Variants in TRIM2 observed in about 807,000 individuals in gnomAD.
TRIM2 encodes tripartite motif-containing protein 2.
TRIM2 carries 20 observed loss-of-function variants against 75.2 expected under a neutral mutation model. That is an observed-to-expected ratio of 0.27 (90% CI 0.19 to 0.39). The LOEUF is 0.39. Among genes scored for constraint, TRIM2 ranks in the 10% least tolerant of loss-of-function variants. The pLI is 1.00. For missense variants in TRIM2, 660 were observed against 990.8 expected, an observed-to-expected ratio of 0.67 and a Z score of 4.48; for synonymous variants, 373 against 388.3, an observed-to-expected ratio of 0.96 and a Z score of 0.46.
At chr4:153,323,961 T>G in intron 9 of TRIM2, 117 bp from the exon 10 acceptor site, 1 of 785,112 alleles carries the variant, frequency 1.3e-6, no homozygotes, top group Non-Finnish European at 2.0e-6. Flanking sequence ...GAGTCTATGA[T>G]TCTTTGTACT....
intron 1 of TRIM2, among the ~76,000 whole-genome samples, chr4:153,176,635 G>A (rs903637545): frequency 7.6e-6 from 1 of 131,984 alleles, no homozygotes; most frequent in Non-Finnish European, 1.6e-5. Flanking sequence ...TTTTGTGACA[G>A]AGTCTCACTC....
At chr4:153,239,481 G>C (rs1274539606) in intron 1 of TRIM2, among the ~76,000 whole-genome samples, 1 of 151,746 alleles carries the variant, frequency 6.6e-6, no homozygotes, top group Non-Finnish European at 1.5e-5. Context: ...TTCTAACTAA[G>C]AGAGAAAGTT....
Position 153,336,358 on chromosome 4 carries a change from A to G in TRIM2, c.*1392A>G. On this transcript the variant is annotated 3_prime_UTR_variant, in exon 12 of 12. Transcript: ENST00000338700. ...GCCTTCTGTGCTTTCAAAAAAAAAA[A>G]CAAAAAAAAAACCACACACACACAT... 1 of 919,960 alleles carries G rather than the reference A, an allele frequency of 1.1e-6. No homozygotes were observed. The highest frequency in any genetic ancestry group is 5.0e-5 in the South Asian group (1 of 19,848). The allele number at this position is 919,960 out of a possible 1,614,324, so 57.0% of individuals were successfully genotyped here.
At position 153,315,585 on chromosome 4, in the gene TRIM2, G is replaced by A. The variant is rs140995446; in HGVS notation, c.1611G>A (p.Val537=). 8.1e-6 allele frequency: 13 copies of A among 1,606,764 alleles called. No individual in the cohort carries two copies. The highest frequency in any genetic ancestry group is 2.7e-5 in the African/African-American group (2 of 74,502). ...TTGCAGACAGTAACAACCAATGTGT[G>A]CAGGTATAGCCCCTAATTATATACC... is the stretch of plus-strand genomic sequence containing the variant. The part of the protein sequence containing the change: ...ILIADSNNQC[V]QIFSNDGQFK... The change falls in exon 7 of 12, where the codon GTG becomes GTA. Residue 537 remains valine, a synonymous_variant. Transcript: ENST00000338700.
chr4:153,236,249 A>C (rs578164297), intron 1 of TRIM2, among the ~76,000 whole-genome samples: 19 of 151,998 alleles, frequency 1.3e-4, no homozygotes, highest in Non-Finnish European at 2.5e-4. Flanking sequence ...TCATAGCAGC[A>C]TGGGAATGCA....
At chr4:153,188,049 C>T (rs932738202) in intron 1 of TRIM2, among the ~76,000 whole-genome samples, 5 of 152,200 alleles carry the variant, frequency 3.3e-5, no homozygotes, top group African/African-American at 1.2e-4. Context: ...AGCAGCCAAG[C>T]TTTCCCATAT....
In TRIM2 at chr4:153,336,717, C is replaced by G. The variant is rs1485349100; in HGVS notation, c.*1751C>G. On this transcript the variant is annotated 3_prime_UTR_variant, in exon 12 of 12. Transcript: ENST00000338700. ...TAATTCAGTCATTCTCTATATAGGA[C>G]TTCTTAAAATTTAGAAGGGAAATCT... 1.0e-6 allele frequency: 1 copy of G among 984,964 alleles called. No individual in the cohort carries two copies. The highest frequency in any genetic ancestry group is 1.2e-6 in the Non-Finnish European group (1 of 829,300). 61.0% of individuals were successfully genotyped at this position (984,964 alleles called of 1,614,324 possible). A position where few individuals can be genotyped will look rare whatever the true frequency, so the allele number is the denominator to read the frequency against.
chr4:153,185,995 A>C (rs554776120), intron 1 of TRIM2, among the ~76,000 whole-genome samples: 2 of 152,238 alleles, frequency 1.3e-5, no homozygotes, highest in South Asian at 4.1e-4. Flanking sequence ...ACCAGGGGTG[A>C]TTTTGCCCCC....
chr4:153,274,621 C>A (rs1371072701), intron 2 of TRIM2, among the ~76,000 whole-genome samples: 1 of 152,032 alleles, frequency 6.6e-6, no homozygotes, highest in Non-Finnish European at 1.5e-5. Context: ...ATATAATATT[C>A]CAGAAAGAGA....
At chr4:153,185,239 T>C (rs975309328) in intron 1 of TRIM2, among the ~76,000 whole-genome samples, 2 of 152,196 alleles carry the variant, frequency 1.3e-5, no homozygotes, top group Non-Finnish European at 2.9e-5. Flanking sequence ...TATTCTTTCT[T>C]TCCACACACA....
chr4:153,190,606 C>A (rs6823598), intron 1 of TRIM2, among the ~76,000 whole-genome samples: 3 of 151,916 alleles, frequency 2.0e-5, no homozygotes, highest in African/African-American at 7.3e-5. Context: ...GAAATAGAAA[C>A]AAAACTCAAA....
chr4:153,300,367 G>A (rs1430739898), intron 6 of TRIM2, among the ~76,000 whole-genome samples: 1 of 151,972 alleles, frequency 6.6e-6, no homozygotes, highest in East Asian at 1.9e-4. Flanking sequence ...ATGGCTCACT[G>A]CAACCTCAAC....
In TRIM2 at chr4:153,292,999, C is replaced by T. The variant is rs1249856185; in HGVS notation, c.471C>T (p.Cys157=). ...NHDGNVMEFY[C]QSCETAMCRE... ...ATCCACAGGTGATGGAATTTTACTG[C>T]CAGTCCTGTGAGACTGCCATGTGTC... The change falls in exon 4 of 12, where the codon TGC becomes TGT. Residue 157 remains cysteine (C), a synonymous_variant. Transcript: ENST00000338700. 1.9e-6 allele frequency: 3 copies of T among 1,610,622 alleles called. No homozygotes were observed. Among genetic ancestry groups the T allele is most frequent in the East Asian group, 2.2e-5 (1 of 44,796 alleles).
intron 6 of TRIM2, chr4:153,307,719 G>A: frequency 1.7e-6 from 1 of 585,628 alleles, no homozygotes; most frequent in Non-Finnish European, 3.2e-6. Flanking sequence ...TTAGCTGGAA[G>A]CATGGGGAGC....
intron 6 of TRIM2, chr4:153,309,660 G>A (rs1765824926): frequency 6.9e-6 from 1 of 145,546 alleles, no homozygotes; most frequent in Non-Finnish European, 1.5e-5. Flanking sequence ...TTGAGATGGA[G>A]TCTTGCAGGC....
At chr4:153,312,757 C>A (rs550105330) in intron 6 of TRIM2, among the ~76,000 whole-genome samples, 1 of 152,166 alleles carries the variant, frequency 6.6e-6, no homozygotes, top group Admixed American at 6.5e-5. Flanking sequence ...CACATGCACA[C>A]GTATGTTTAT....
At chr4:153,205,206 C>G (rs1735059960) in intron 1 of TRIM2, among the ~76,000 whole-genome samples, 1 of 152,148 alleles carries the variant, frequency 6.6e-6, no homozygotes, top group Admixed American at 6.5e-5. Flanking sequence ...GAGAAGTCAG[C>G]AGAGCCTGGG....
At chr4:153,283,390 C>CT (rs1466473746) in intron 3 of TRIM2, among the ~76,000 whole-genome samples, 2 of 152,296 alleles carry the variant, frequency 1.3e-5, no homozygotes, top group East Asian at 1.9e-4. Flanking sequence ...TATTAGTACT[C>CT]TTTTTAATGG....
chr4:153,214,967 G>A (rs555400438), intron 1 of TRIM2, among the ~76,000 whole-genome samples: 9 of 152,256 alleles, frequency 5.9e-5, no homozygotes, highest in Non-Finnish European at 1.3e-4. Flanking sequence ...AATCTACAAC[G>A]ATCAGTCATT....
Sources: allele counts gnomAD v4.1 joint callset (sites outside exome capture counted in the v4.1 genomes callset), GRCh38; gene constraint gnomAD v4.1.1; transcripts MANE v1.5; gene names NCBI Gene and HGNC (gene_info 2026-07-23, HGNC 2026-07-21).